RTN4IP1: variants seen among roughly 807,000 people sequenced by gnomAD.
RTN4IP1 encodes reticulon 4 interacting protein 1.
Under a neutral mutation model 46.6 loss-of-function variants are expected in RTN4IP1, and 32 were observed. The observed-to-expected ratio is 0.69, with a 90% confidence interval of 0.52 to 0.92. The LOEUF is 0.92. RTN4IP1 is among the 40% of genes least tolerant of loss of function. RTN4IP1 has a pLI of 0.00. For missense variants in RTN4IP1, 424 were observed against 485.8 expected (o/e 0.87, Z 1.20); for synonymous variants, 167 against 161.8 (o/e 1.03, Z -0.24).
chr6:106,599,465 TA>T (rs1717379968), intron 5 of RTN4IP1, among the ~76,000 whole-genome samples: 1 of 151,196 alleles, frequency 6.6e-6, no homozygotes, highest in Non-Finnish European at 1.5e-5. Context: ...TTTTTTTTTT[TA>T]AGAAGTTTTA....
rs1049505744 is a variant in RTN4IP1, at chr6:106,583,370, G to A, written c.1041C>T (p.Gly347=). The change falls in exon 8 of 9, where the codon GGC becomes GGT. Residue 347 remains glycine, a synonymous_variant. Transcript: ENST00000369063. ...GTTCTGCAATGTCATCTAAACATGG[G>A]CCACTGGCCATGAAAAATGCCCAGC... ...HYRWAFFMAS[G]PCLDDIAELV... 11 of 1,613,574 alleles carry A rather than the reference G, an allele frequency of 6.8e-6. No homozygotes were observed. The highest frequency in any genetic ancestry group is 9.3e-6 in the Non-Finnish European group (11 of 1,179,774).
chr6:106,582,002 AC>A (rs1177219015), intron 8 of RTN4IP1, among the ~76,000 whole-genome samples: 2 of 152,106 alleles, frequency 1.3e-5, no homozygotes, highest in African/African-American at 4.8e-5. Context: ...ATGTGGGAGA[AC>A]CCCACAAAGG....
intron 8 of RTN4IP1, among the ~76,000 whole-genome samples, chr6:106,583,062 C>T (rs1489352614): frequency 6.6e-6 from 1 of 152,160 alleles, no homozygotes; most frequent in Non-Finnish European, 1.5e-5. Flanking sequence ...CCTATAACCT[C>T]CCTGGGCCCG....
At chr6:106,619,484 T>A (rs1776430335) in intron 3 of RTN4IP1, among the ~76,000 whole-genome samples, 158 bp from the exon 4 acceptor site, 1 of 152,188 alleles carries the variant, frequency 6.6e-6, no homozygotes, top group African/African-American at 2.4e-5. Flanking sequence ...CTCTGCCACC[T>A]CTGAGACCAG....
intron 7 of RTN4IP1, among the ~76,000 whole-genome samples, chr6:106,586,452 CCCTCTGTCTCCCAGACTCAAACCAT>C (rs977376419): frequency 2.6e-5 from 4 of 152,000 alleles, no homozygotes; most frequent in Non-Finnish European, 5.9e-5. Flanking sequence ...ATGGCTCACA[CCCTCTGTCTCCCAGACTCAAACCAT>C]CCTCTGGCCT....
chr6:106,594,229 G>C (rs576301601), intron 5 of RTN4IP1, among the ~76,000 whole-genome samples: 1 of 151,966 alleles, frequency 6.6e-6, no homozygotes, highest in Non-Finnish European at 1.5e-5. Context: ...ACCTATAGAC[G>C]GGGTGTGGTG....
chr6:106,579,041 C>T (rs893070562), intron 8 of RTN4IP1, among the ~76,000 whole-genome samples: 11 of 151,532 alleles, frequency 7.3e-5, no homozygotes, highest in African/African-American at 2.7e-4. Flanking sequence ...TTGAGACCAG[C>T]CTGGCCAACA....
chr6:106,574,939 G>A (rs1353242593), intron 8 of RTN4IP1, among the ~76,000 whole-genome samples: 3 of 152,178 alleles, frequency 2.0e-5, no homozygotes, highest in Non-Finnish European at 4.4e-5. Context: ...ACGGCACAAT[G>A]AGTCATTCAG....
At chr6:106,593,564 G>A (rs1314530890) in intron 5 of RTN4IP1, among the ~76,000 whole-genome samples, 1 of 152,076 alleles carries the variant, frequency 6.6e-6, no homozygotes. Context: ...AAGATATAAA[G>A]GCTCACTAGA....
chr6:106,621,509 A>G lies in RTN4IP1; in HGVS notation c.427-16T>C, dbSNP rs369163358. On this transcript the variant is annotated splice_polypyrimidine_tract_variant and intron_variant, in intron 2 of 8. Transcript: ENST00000369063. Reference sequence around the variant, plus strand: ...CAGCCCAGACCTGAAACACACACAGACAGACAGCTTCATTAGAAACACAGA... The same window carrying G: ...CAGCCCAGACCTGAAACACACACAGGCAGACAGCTTCATTAGAAACACAGA... 1.2e-6 allele frequency: 2 copies of G among 1,609,520 alleles called. No individual in the cohort carries two copies. The highest frequency in any genetic ancestry group is 1.7e-6 in the Non-Finnish European group (2 of 1,175,998).
chr6:106,575,244 A>G (rs578167970), intron 8 of RTN4IP1, among the ~76,000 whole-genome samples: 121 of 152,300 alleles, frequency 7.9e-4, no homozygotes, highest in Non-Finnish European at 3.1e-4. Context: ...GCTCAACACC[A>G]TGCTTCCCAC....
At chr6:106,626,028 A>C (rs1033926664) in intron 1 of RTN4IP1, among the ~76,000 whole-genome samples, 6 of 152,176 alleles carry the variant, frequency 3.9e-5, no homozygotes, top group African/African-American at 1.4e-4. Context: ...GTAGAAAAGA[A>C]AAGACTGATG....
At chr6:106,621,658 G>A (rs1193908295) in intron 2 of RTN4IP1, among the ~76,000 whole-genome samples, 165 bp from the exon 3 acceptor site, 1 of 152,188 alleles carries the variant, frequency 6.6e-6, no homozygotes, top group East Asian at 1.9e-4. Flanking sequence ...TTATTACTTA[G>A]TATGATTCTA....
chr6:106,630,286 A>T (rs1317303051), upstream of RTN4IP1, among the ~76,000 whole-genome samples: 2 of 152,180 alleles, frequency 1.3e-5, no homozygotes, highest in African/African-American at 4.8e-5. Context: ...CCTCAAATTC[A>T]CTTTAATCGG....
At position 106,571,910 on chromosome 6, in the gene RTN4IP1, G is replaced by A. The variant is rs1775073427; in HGVS notation, c.*86C>T. The A allele has an allele frequency of 2.5e-6, 2 of 811,848 alleles. No individual in the cohort carries two copies. The highest frequency in any genetic ancestry group is 3.0e-5 in the South Asian group (2 of 67,118). 50.3% of individuals were successfully genotyped at this position (811,848 alleles called of 1,614,324 possible). A position where few individuals can be genotyped will look rare whatever the true frequency, so the allele number is the denominator to read the frequency against. ...AATGTATAATCTAATCTGGAAAAAT[G>A]TTTGAAAGGGATGGCTAGAAAAAAA... On this transcript the variant is annotated 3_prime_UTR_variant, in exon 9 of 9. Transcript: ENST00000369063.
intron 4 of RTN4IP1, among the ~76,000 whole-genome samples, chr6:106,610,362 C>T (rs9400031): frequency 0.71 from 107,981 of 151,980 alleles, 39,602 homozygotes; most frequent in Non-Finnish European, 0.81. Context: ...CCGCACCCGG[C>T]GGCAAAATAA....
Position 106,629,196 on chromosome 6 carries a change from C to A in RTN4IP1, c.-175G>T. On this transcript the variant is annotated 5_prime_UTR_variant, in exon 1 of 9. Coordinates refer to ENST00000369063, the MANE Select transcript of RTN4IP1 (RefSeq NM_032730.5). ...TAATGGAGAAACTGAAAGAAGAATA[C>A]GGAACTGTTATTCCGCTCTTCGCAT... The A allele has an allele frequency of 1.6e-6, 1 of 615,144 alleles. No individual in the cohort carries two copies. Among genetic ancestry groups the A allele is most frequent in the Non-Finnish European group, 2.8e-6 (1 of 352,674 alleles). The allele number at this position is 615,144 out of a possible 1,614,324, so 38.1% of individuals were successfully genotyped here. A position where few individuals can be genotyped will look rare whatever the true frequency, so the allele number is the denominator to read the frequency against.
chr6:106,626,466 T>A (rs1776647970), intron 1 of RTN4IP1, among the ~76,000 whole-genome samples: 1 of 152,274 alleles, frequency 6.6e-6, no homozygotes, highest in Non-Finnish European at 1.5e-5. Context: ...GAAACTTCTA[T>A]GTGGTTTGAA....
rs199547918 is a variant in RTN4IP1, at chr6:106,619,262, G to C, written c.560C>G (p.Thr187Arg). 1 of 1,614,202 alleles carries C rather than the reference G, an allele frequency of 6.2e-7. No homozygotes were observed. Among genetic ancestry groups the C allele is most frequent in the African/African-American group, 1.3e-5 (1 of 75,066 alleles). ...AACTTTGTTTATAGCAGACCAGGCT[G>C]TGAGAGCCACATATGGCAAAGAGGC... ...QAASLPYVAL[T>R]AWSAINKVGG... is the part of the protein sequence containing the mutation. The change falls in exon 4 of 9, where the codon ACA (threonine) becomes AGA (arginine). Residue 187 changes from threonine (T) to arginine (R), a missense_variant. Transcript: ENST00000369063.
Sources: gnomAD v4.1 joint callset for allele counts (sites outside exome capture counted in the v4.1 genomes callset) on GRCh38, gnomAD v4.1.1 for gene constraint, MANE v1.5 for transcripts, NCBI Gene and HGNC (gene_info 2026-07-23, HGNC 2026-07-21) for gene names.